KAZN: variants seen among roughly 807,000 people sequenced by gnomAD.
KAZN encodes kazrin, periplakin interacting protein.
KAZN carries 40 observed loss-of-function variants against 87.4 expected under a neutral mutation model. The observed-to-expected ratio is 0.46, with a 90% CI of 0.36 to 0.60. The LOEUF (loss-of-function observed/expected upper bound fraction) is 0.60. KAZN is among the 20% of genes least tolerant of loss of function. The pLI, the probability that KAZN is intolerant of heterozygous loss-of-function variation, is 0.00. For missense variants in KAZN, 898 were observed against 1,073.9 expected, an observed-to-expected ratio of 0.84 and a Z score of 2.29; for synonymous variants, 466 against 458.3, an observed-to-expected ratio of 1.02 and a Z score of -0.22.
intron 1 of KAZN, among the ~76,000 whole-genome samples, chr1:14,793,917 A>C (rs1645754942): frequency 6.6e-6 from 1 of 152,154 alleles, no homozygotes; most frequent in Non-Finnish European, 1.5e-5. Context: ...CTCGCCTGTT[A>C]GGGGCCCCAT....
chr1:14,412,925 G>T (rs1035383002), intron 2 of KAZN, among the ~76,000 whole-genome samples: 2 of 149,642 alleles, frequency 1.3e-5, no homozygotes, highest in African/African-American at 4.9e-5. Context: ...GAAATAGGAT[G>T]CTCAGATTTA....
At chr1:14,171,564 G>C (rs1406955985) in intron 1 of KAZN, among the ~76,000 whole-genome samples, 1 of 152,190 alleles carries the variant, frequency 6.6e-6, no homozygotes, top group African/African-American at 2.4e-5. Context: ...GGAAACCTGT[G>C]AGCATTTTAA....
chr1:14,312,960 G>T (rs1032724552), intron 2 of KAZN, among the ~76,000 whole-genome samples: 2 of 152,260 alleles, frequency 1.3e-5, no homozygotes, highest in South Asian at 2.1e-4. Flanking sequence ...GTTAAGCTAT[G>T]CCTGGATTCC....
At chr1:14,420,868 TGCCGCCC>T (rs1332066862) in intron 2 of KAZN, among the ~76,000 whole-genome samples, 1 of 139,912 alleles carries the variant, frequency 7.1e-6, no homozygotes, top group Non-Finnish European at 1.6e-5. Context: ...CAGCCCCGGT[TGCCGCCC>T]GCACCTCTCC....
At chr1:13,921,611 C>T (rs990575031) in intron 1 of KAZN, among the ~76,000 whole-genome samples, 3 of 152,074 alleles carry the variant, frequency 2.0e-5, no homozygotes, top group African/African-American at 7.2e-5. Context: ...TTCTATCCTG[C>T]CTTGCACTAT....
chr1:14,700,428 G>A (rs750765749), intron 1 of KAZN, among the ~76,000 whole-genome samples: 2 of 151,316 alleles, frequency 1.3e-5, no homozygotes, highest in African/African-American at 2.4e-5. Context: ...CCGAGATCAC[G>A]CCACTGCACT....
intron 1 of KAZN, among the ~76,000 whole-genome samples, chr1:13,940,245 G>T (rs1382631251): frequency 6.6e-6 from 1 of 150,908 alleles, no homozygotes; most frequent in Non-Finnish European, 1.5e-5. Flanking sequence ...GAATTCAGCT[G>T]TGAATCCATT....
At chr1:14,956,106 G>A (rs1330492607) in intron 1 of KAZN, among the ~76,000 whole-genome samples, 1 of 152,120 alleles carries the variant, frequency 6.6e-6, no homozygotes, top group Non-Finnish European at 1.5e-5. Flanking sequence ...ACCCTAAGTG[G>A]GTGGCATCTG....
Position 14,255,140 on chromosome 1 carries a change from AGAAG to A in KAZN, c.249+74549_249+74552del, listed in dbSNP as rs1379749835. 7.7e-5 allele frequency among the ~76,000 whole-genome samples: 9 copies of A among 117,002 alleles called. No homozygotes were observed. In the South Asian group the frequency reaches 1.6e-3, roughly 21 times the overall value. The allele number at this position is 117,002 out of a possible 152,430, so 76.8% of individuals were successfully genotyped here. Reference sequence around the variant, plus strand: ...GTCTCAAAAAAAAAAAAAAAAAAAAAGAAGAAGAAGAAGAAGAAAGGGGAGAAGA... The same window carrying A: ...GTCTCAAAAAAAAAAAAAAAAAAAAAAAGAAGAAGAAGAAAGGGGAGAAGA... On this transcript the variant is annotated intron_variant, in intron 2 of 16. Transcript: ENST00000636203.
intron 1 of KAZN, among the ~76,000 whole-genome samples, chr1:14,072,817 A>T (rs1399065778): frequency 1.3e-5 from 2 of 152,092 alleles, no homozygotes; most frequent in African/African-American, 2.4e-5. Flanking sequence ...AAATGAGATG[A>T]TGTGTGTTTT....
chr1:13,968,955 G>C (rs561042497), intron 1 of KAZN, among the ~76,000 whole-genome samples: 3 of 152,010 alleles, frequency 2.0e-5, no homozygotes, highest in Non-Finnish European at 2.9e-5. Flanking sequence ...ATTTCTACTT[G>C]GGCTTCTAAT....
At chr1:15,067,562 T>A in intron 8 of KAZN, 1 of 985,496 alleles carries the variant, frequency 1.0e-6, no homozygotes, top group African/African-American at 1.7e-5. Flanking sequence ...GTAGTCGTGC[T>A]TTCTGCTAAC....
intron 2 of KAZN, among the ~76,000 whole-genome samples, chr1:14,464,543 CTTTCTTTTTTT>C (rs1668015295): frequency 6.9e-6 from 1 of 144,812 alleles, no homozygotes; most frequent in African/African-American, 2.7e-5. Flanking sequence ...TTTTTTTTTT[CTTTCTTTTTTT>C]TTGAGATGGC....
chr1:14,615,106 A>G (rs1376336701), intron 1 of KAZN, among the ~76,000 whole-genome samples: 3 of 152,250 alleles, frequency 2.0e-5, no homozygotes, highest in Non-Finnish European at 4.4e-5. Context: ...CCCTGCAGGC[A>G]CTGAGGAAGG....
intron 1 of KAZN, among the ~76,000 whole-genome samples, chr1:14,886,965 T>G (rs1270874604): frequency 6.6e-6 from 1 of 152,218 alleles, no homozygotes; most frequent in African/African-American, 2.4e-5. Flanking sequence ...GCCTGGTTCC[T>G]AGTAGGTTCT....
intron 2 of KAZN, among the ~76,000 whole-genome samples, chr1:14,292,060 A>AT (rs925456686): frequency 6.6e-6 from 1 of 151,982 alleles, no homozygotes; most frequent in East Asian, 1.9e-4. Context: ...ACCCCCTGTA[A>AT]TTTTTTTGCT....
chr1:14,564,083 G>A (rs1166301954), intron 2 of KAZN, among the ~76,000 whole-genome samples: 1 of 151,734 alleles, frequency 6.6e-6, no homozygotes, highest in East Asian at 2.0e-4. Context: ...TGGCCAGGCT[G>A]GTCTTGAACT....
chr1:14,454,315 A>G (rs6429661), intron 2 of KAZN, among the ~76,000 whole-genome samples: 2 of 152,080 alleles, frequency 1.3e-5, no homozygotes, highest in African/African-American at 4.8e-5. Flanking sequence ...CACATTCAAC[A>G]CCATTTAGTA....
intron 1 of KAZN, among the ~76,000 whole-genome samples, chr1:14,919,536 C>T (rs1386318125): frequency 6.6e-6 from 1 of 152,224 alleles, no homozygotes; most frequent in East Asian, 1.9e-4. Flanking sequence ...CTGAGGTCTT[C>T]ATACCCCCTG....
Sources: gnomAD v4.1 joint callset for allele counts (sites outside exome capture counted in the v4.1 genomes callset) on GRCh38, gnomAD v4.1.1 for gene constraint, MANE v1.5 for transcripts, NCBI Gene and HGNC (gene_info 2026-07-23, HGNC 2026-07-21) for gene names.